Variants in BMP8B observed in about 807,000 individuals in gnomAD.
BMP8B encodes the protein bone morphogenetic protein 8b.
BMP8B carries 17 observed loss-of-function variants against 30.3 expected under a neutral mutation model. The ratio of observed to expected loss-of-function variants is 0.56; its 90% CI spans 0.38 to 0.84. The LOEUF (loss-of-function observed/expected upper bound fraction) is 0.84. BMP8B is among the 40% of genes least tolerant of loss of function. The pLI, the probability that BMP8B is intolerant of heterozygous loss-of-function variation, is 0.00. For missense variants in BMP8B, 253 were observed against 494.6 expected (o/e 0.51, Z 4.63); for synonymous variants, 131 against 214.7 (o/e 0.61, Z 3.41).
chr1:39,760,461 G>A lies in BMP8B; in HGVS notation c.1167C>T (p.Arg389=), dbSNP rs1372157593. 1.9e-6 allele frequency: 3 copies of A among 1,614,172 alleles called. No homozygotes were observed. The highest frequency in any genetic ancestry group is 8.5e-7 in the Non-Finnish European group (1 of 1,180,030). Residue 389 remains arginine, a synonymous_variant, in exon 7 of 7, where the codon CGC becomes CGT. Transcript: ENST00000372827. ...YYDSSNNVIL[R]KHRNMVVKAC... The stretch of plus-strand genomic sequence containing the variant: ...CCTTGACCACCATGTTGCGGTGCTT[G>A]CGCAGGATGACATTGTTGCTGCTGT...
intron 1 of BMP8B, among the ~76,000 whole-genome samples, chr1:39,778,238 C>A (rs1650368396): frequency 6.6e-6 from 1 of 152,016 alleles, no homozygotes; most frequent in Non-Finnish European, 1.5e-5. Context: ...CTACCATGTC[C>A]CCATGTGACT....
rs922003578 is a variant in BMP8B at position 39,758,689 on chromosome 1, A to G, written c.*1730T>C. ...GTGCAGATAGAAAATGGAGGCGCAGATAAGGAAGCCACCTACAAGGCAGGT... is the reference window on the plus strand; with the variant it reads ...GTGCAGATAGAAAATGGAGGCGCAGGTAAGGAAGCCACCTACAAGGCAGGT... On this transcript the variant is annotated 3_prime_UTR_variant, in exon 7 of 7. Coordinates refer to ENST00000372827, the MANE Select transcript of BMP8B (RefSeq NM_001720.5). The G allele has an allele frequency of 6.6e-6, 1 of 152,308 alleles. No homozygotes were observed. Among genetic ancestry groups the G allele is most frequent in the Non-Finnish European group, 1.5e-5 (1 of 68,082 alleles). The allele number at this position is 152,308 out of a possible 1,614,324, so 9.4% of individuals were successfully genotyped here. A position where few individuals can be genotyped will look rare whatever the true frequency, so the allele number is the denominator to read the frequency against.
chr1:39,781,135 C>T (rs1382450123), intron 1 of BMP8B, among the ~76,000 whole-genome samples: 1 of 152,180 alleles, frequency 6.6e-6, no homozygotes, highest in East Asian at 1.9e-4. Flanking sequence ...CCAAGATAAA[C>T]AGGAAGAGGA....
At chr1:39,760,842 C>T (rs1648865348) in intron 6 of BMP8B, among the ~76,000 whole-genome samples, 2 of 152,140 alleles carry the variant, frequency 1.3e-5, no homozygotes, top group South Asian at 4.1e-4. Context: ...GAGTCCCAGG[C>T]CAAGGGCTCA....
intron 1 of BMP8B, among the ~76,000 whole-genome samples, chr1:39,776,681 AG>A (rs1650260793): frequency 6.6e-6 from 1 of 152,252 alleles, no homozygotes; most frequent in African/African-American, 2.4e-5. Flanking sequence ...ACAGCACCCA[AG>A]GGTGTCTTTT....
Position 39,759,061 on chromosome 1 carries a change from T to C in BMP8B, c.*1358A>G, listed in dbSNP as rs566038250. ...CTTTTAATGACACGGTTTGGGCAGC[T>C]GGACTCTGTCTATTCCAGCAGGTAA... On this transcript the variant is annotated 3_prime_UTR_variant, in exon 7 of 7. Transcript: ENST00000372827. 2.6e-5 allele frequency: 4 copies of C among 152,418 alleles called. No homozygotes were observed. Among genetic ancestry groups the C allele is most frequent in the African/African-American group, 9.6e-5 (4 of 41,588 alleles). The allele number at this position is 152,418 out of a possible 1,614,324, so 9.4% of individuals were successfully genotyped here.
At chr1:39,768,732 A>T (rs1649757634) in intron 3 of BMP8B, among the ~76,000 whole-genome samples, 1 of 149,480 alleles carries the variant, frequency 6.7e-6, no homozygotes, top group South Asian at 2.1e-4. Context: ...ATGGTGGCAC[A>T]TGCCTGTAAT....
chr1:39,781,482 T>C (rs537530572), intron 1 of BMP8B, among the ~76,000 whole-genome samples: 10 of 152,228 alleles, frequency 6.6e-5, no homozygotes, highest in Non-Finnish European at 1.2e-4. Flanking sequence ...CCTAATCATC[T>C]AATGAGGTAG....
chr1:39,762,564 C>A lies in BMP8B; in HGVS notation c.1059+528G>T, dbSNP rs562516798. The A allele has an allele frequency of 6.0e-5, 93 of 1,550,350 alleles. No individual in the cohort carries two copies. The East Asian group carries it at 1.3e-3, about 22-fold the overall frequency. On this transcript the variant is annotated intron_variant, in intron 6 of 6. Coordinates refer to ENST00000372827, the MANE Select transcript of BMP8B (RefSeq NM_001720.5). ...CAAAAGCCAGGGGATCCAGAAAAAA[C>A]AAAGATGGCCAAGAGAGAAACTGGG...
chr1:39,761,493 G>C (rs1453454151), intron 6 of BMP8B: 1 of 145,012 alleles, frequency 6.9e-6, no homozygotes, highest in Non-Finnish European at 1.5e-5. Flanking sequence ...ACATGGACCA[G>C]AACACTGCTT....
At chr1:39,778,117 C>T (rs1345819425) in intron 1 of BMP8B, among the ~76,000 whole-genome samples, 5 of 152,360 alleles carry the variant, frequency 3.3e-5, no homozygotes, top group Admixed American at 6.5e-5. Flanking sequence ...GGCCCCAGAG[C>T]GGGGGTGCCC....
chr1:39,778,522 C>T (rs941899245), intron 1 of BMP8B, among the ~76,000 whole-genome samples: 3 of 150,928 alleles, frequency 2.0e-5, no homozygotes, highest in African/African-American at 4.8e-5. Flanking sequence ...ATCTCAGCAC[C>T]GCCTCAAGGC....
chr1:39,775,081 G>A lies in BMP8B; in HGVS notation c.335-43C>T, dbSNP rs548733741. The A allele has an allele frequency of 4.9e-4, 700 of 1,423,998 alleles. 3 individuals are homozygous for A. The South Asian group carries it at 8.3e-3, about 17-fold the overall frequency. The allele number at this position is 1,423,998 out of a possible 1,614,324, so 88.2% of individuals were successfully genotyped here. ...GCTGGGCTGGCACTCAGAATGGCTC[G>A]GGCTCTGGAGGGGGCAGAGCTGGTG... On this transcript the variant is annotated intron_variant, in intron 1 of 6. Transcript: ENST00000372827.
chr1:39,763,100 G>A lies in BMP8B; in HGVS notation c.1051C>T (p.Gln351Ter), dbSNP rs144839101. 8 of 1,613,786 alleles carry A rather than the reference G, an allele frequency of 5.0e-6. No individual in the cohort carries two copies. The African/African-American group carries it at 5.3e-5, about 11-fold the overall frequency. Residue 351 changes from glutamine (Q) to a stop codon, truncating the protein, a stop_gained, in exon 6 of 7, where the codon CAG becomes TAG. Transcript: ENST00000372827. LOFTEE classifies it high-confidence loss of function. ...CMNATNHAIL[Q>*]SLVHLMMPDA... ...ATGGGCATGGTACTGACCAGGGACT[G>A]CAGGATGGCGTGGTTGGTGGCATTC...
At position 39,760,681 on chromosome 1, in the gene BMP8B, A is replaced by G. The variant is rs1199391386; in HGVS notation, c.1060-113T>C. The G allele has an allele frequency of 3.8e-6, 5 of 1,325,462 alleles. No homozygotes were observed. The African/African-American group carries it at 7.5e-5, about 20-fold the overall frequency. The allele number at this position is 1,325,462 out of a possible 1,614,324, so 82.1% of individuals were successfully genotyped here. A position where few individuals can be genotyped will look rare whatever the true frequency, so the allele number is the denominator to read the frequency against. On this transcript the variant is annotated intron_variant, in intron 6 of 6. Transcript: ENST00000372827. ...CCTGCCCTGGCCATCTCCAGGCCAC[A>G]TGGGAGCAGCACAATAATAATAACT...
At chr1:39,767,349 A>C (rs1199726217) in intron 3 of BMP8B, among the ~76,000 whole-genome samples, 1 of 149,556 alleles carries the variant, frequency 6.7e-6, no homozygotes, top group African/African-American at 2.4e-5. Context: ...GGATTGTCAT[A>C]TACTTTTCCA....
In BMP8B at chr1:39,759,129, T is replaced by A. The variant is rs1648609267; in HGVS notation, c.*1290A>T. The stretch of plus-strand genomic sequence containing the variant: ...TCAGAAATCAAATAAACACTCCAAC[T>A]CCCAGTGGCTGCTCCAAGGAGAACA... On this transcript the variant is annotated 3_prime_UTR_variant, in exon 7 of 7. Transcript: ENST00000372827. The A allele has an allele frequency of 6.6e-6, 1 of 152,178 alleles. No homozygotes were observed. Among genetic ancestry groups the A allele is most frequent in the African/African-American group, 2.4e-5 (1 of 41,408 alleles). 9.4% of individuals were successfully genotyped at this position (152,178 alleles called of 1,614,324 possible). A position where few individuals can be genotyped will look rare whatever the true frequency, so the allele number is the denominator to read the frequency against.
intron 4 of BMP8B, among the ~76,000 whole-genome samples, chr1:39,764,230 C>T (rs1382536826): frequency 4.6e-5 from 7 of 152,370 alleles, no homozygotes; most frequent in Non-Finnish European, 7.3e-5. Flanking sequence ...TCAGGCCTGT[C>T]CCTGATCCTG....
rs1648410539 is a variant in BMP8B, at chr1:39,757,535, A to G, written c.*2884T>C. The G allele has an allele frequency of 6.6e-6, 1 of 152,278 alleles. No homozygotes were observed. Among genetic ancestry groups the G allele is most frequent in the African/African-American group, 2.4e-5 (1 of 41,472 alleles). 9.4% of individuals were successfully genotyped at this position (152,278 alleles called of 1,614,324 possible). The stretch of plus-strand genomic sequence containing the variant: ...CTGCTGACTTGGCCTCAAGGCCAGT[A>G]TTGCACCGCAAGGACCAAGACTGCT... On this transcript the variant is annotated 3_prime_UTR_variant, in exon 7 of 7. Transcript: ENST00000372827.
Sources: gnomAD v4.1 joint callset for allele counts (sites outside exome capture counted in the v4.1 genomes callset) on GRCh38, gnomAD v4.1.1 for gene constraint, MANE v1.5 for transcripts, NCBI Gene and HGNC (gene_info 2026-07-23, HGNC 2026-07-21) for gene names.